The following NIBAN1 variants were observed in gnomAD, a reference collection of about 807,000 sequenced individuals.
NIBAN1 encodes niban apoptosis regulator 1, also known as protein Niban 1.
In NIBAN1, 81 loss-of-function variants were observed where a neutral mutation model predicts 75.1. The observed-to-expected ratio is 1.08, with a 90% CI of 0.90 to 1.30. The LOEUF (loss-of-function observed/expected upper bound fraction) is 1.30. Ranked by LOEUF, NIBAN1 falls within the 50% of genes most tolerant of loss-of-function variation. NIBAN1 has a pLI of 0.00. For synonymous variants in NIBAN1, 436 were observed against 424.8 expected (o/e 1.03, Z -0.32); for missense variants, 1,133 against 1,128.1 (o/e 1.00, Z -0.06).
chr1:184,881,770 G>A (rs566333440), intron 5 of NIBAN1, among the ~76,000 whole-genome samples: 1 of 152,252 alleles, frequency 6.6e-6, no homozygotes, highest in East Asian at 1.9e-4. Flanking sequence ...AAACTGTCAT[G>A]GCACTGGTGG....
rs775725872 is a variant in NIBAN1 at position 184,833,699 on chromosome 1, C to CT, written c.602-1738dup. 5.9e-5 allele frequency among the ~76,000 whole-genome samples: 9 copies of CT among 151,472 alleles called. No homozygotes were observed. The South Asian group carries it at 8.3e-4, about 14-fold the overall frequency. ...CCAGGGCAATAGAGTGAGACCCTGT[C>CT]TCAAAAAAATAAATAGATAAATAAA... On this transcript the variant is annotated intron_variant, in intron 5 of 13. Coordinates refer to ENST00000367511, the MANE Select transcript of NIBAN1 (RefSeq NM_052966.4).
In NIBAN1 at chr1:184,795,358, C is replaced by T. The variant is rs763760563; in HGVS notation, c.2406G>A (p.Gly802=). The T allele has an allele frequency of 3.1e-6, 5 of 1,609,082 alleles. No homozygotes were observed. The highest frequency in any genetic ancestry group is 4.2e-6 in the Non-Finnish European group (5 of 1,177,738). ...TGGGCCCCAGGGGCTCCTCGGTGAG[C>T]CCTCCACTGGCTGGCGGAGAGGCTG... ...GSPASPPASG[G]LTEEPLGPME... Residue 802 remains glycine (G), a synonymous_variant, in exon 14 of 14, where the codon GGG becomes GGA. Coordinates refer to ENST00000367511, the MANE Select transcript of NIBAN1 (RefSeq NM_052966.4).
intron 9 of NIBAN1, among the ~76,000 whole-genome samples, chr1:184,811,502 T>TTTTTTTTTTTTTG (rs1553215631): frequency 1.6e-5 from 2 of 126,486 alleles, no homozygotes; most frequent in African/African-American, 6.1e-5. Flanking sequence ...ACTTTCTTCC[T>TTTTTTTTTTTTTG]TTTTTTTTTT....
chr1:184,862,669 C>A (rs942606088), intron 5 of NIBAN1, among the ~76,000 whole-genome samples: 1 of 152,114 alleles, frequency 6.6e-6, no homozygotes, highest in African/African-American at 2.4e-5. Flanking sequence ...GATTTTATTT[C>A]TTGGTATTTC....
intron 1 of NIBAN1, among the ~76,000 whole-genome samples, chr1:184,916,746 A>G (rs1320633074): frequency 1.3e-5 from 2 of 152,182 alleles, no homozygotes; most frequent in Admixed American, 6.5e-5. Context: ...TGAATTGATA[A>G]ACTAGATATG....
At chr1:184,859,476 G>A (rs760125257) in intron 5 of NIBAN1, among the ~76,000 whole-genome samples, 2 of 152,036 alleles carry the variant, frequency 1.3e-5, no homozygotes, top group Non-Finnish European at 2.9e-5. Context: ...TCCAGCTCTG[G>A]CATCATTATT....
intron 5 of NIBAN1, among the ~76,000 whole-genome samples, chr1:184,862,833 T>TA (rs1655851212): frequency 1.0e-5 from 1 of 99,382 alleles, no homozygotes; most frequent in African/African-American, 5.2e-5. Flanking sequence ...GTTTTTCTTT[T>TA]CTTTTTTTTT....
chr1:184,954,140 G>T (rs750100171), intron 1 of NIBAN1, among the ~76,000 whole-genome samples: 1 of 152,136 alleles, frequency 6.6e-6, no homozygotes, highest in East Asian at 1.9e-4. Flanking sequence ...TATGGAAATC[G>T]GTGAGTTAGA....
chr1:184,889,030 C>T (rs1656601506), intron 4 of NIBAN1, among the ~76,000 whole-genome samples: 2 of 152,176 alleles, frequency 1.3e-5, no homozygotes, highest in Admixed American at 1.3e-4. Flanking sequence ...TCCATAAATT[C>T]TAATGAAATT....
chr1:184,854,218 T>C (rs1011923695), intron 5 of NIBAN1, among the ~76,000 whole-genome samples: 1 of 152,164 alleles, frequency 6.6e-6, no homozygotes, highest in Non-Finnish European at 1.5e-5. Flanking sequence ...CTCTAGATGC[T>C]TGTGGTTTAA....
At chr1:184,890,362 A>G in intron 3 of NIBAN1, 140 bp from the exon 4 acceptor site, 1 of 631,658 alleles carries the variant, frequency 1.6e-6, no homozygotes, top group Non-Finnish European at 2.8e-6. Flanking sequence ...ATAGTCATTT[A>G]CTCAAAAAAT....
chr1:184,918,849 G>A (rs1249830934), intron 1 of NIBAN1, among the ~76,000 whole-genome samples: 1 of 152,180 alleles, frequency 6.6e-6, no homozygotes, highest in East Asian at 1.9e-4. Flanking sequence ...AGAGTGGTCA[G>A]TAGCAGGCAC....
intron 1 of NIBAN1, among the ~76,000 whole-genome samples, chr1:184,959,868 G>T (rs959784132): frequency 1.3e-5 from 2 of 152,142 alleles, no homozygotes; most frequent in African/African-American, 2.4e-5. Flanking sequence ...GAATTCTTTG[G>T]CCCTATAAAT....
Position 184,825,206 on chromosome 1 carries a change from T to C in NIBAN1, c.718-1464A>G, listed in dbSNP as rs187095505. Among the ~76,000 whole-genome samples, 7 of 152,342 alleles carry C rather than the reference T, an allele frequency of 4.6e-5. No individual in the cohort carries two copies. The East Asian group carries it at 1.2e-3, about 25-fold the overall frequency. ...AAAGTCAAGATTGGCTCATGAAAAG[T>C]TGTTAAACAACATGCTACATGTGAA... On this transcript the variant is annotated intron_variant, in intron 6 of 13. Transcript: ENST00000367511.
chr1:184,957,861 C>T (rs1009369938), intron 1 of NIBAN1, among the ~76,000 whole-genome samples: 10 of 152,052 alleles, frequency 6.6e-5, no homozygotes, highest in Admixed American at 1.3e-4. Context: ...TTATTGTATG[C>T]CTTACTTCCC....
chr1:184,825,251 T>G (rs1189474984), intron 6 of NIBAN1, among the ~76,000 whole-genome samples: 1 of 152,204 alleles, frequency 6.6e-6, no homozygotes, highest in African/African-American at 2.4e-5. Context: ...CTCACTGCAA[T>G]CGAGAGTCTA....
intron 5 of NIBAN1, among the ~76,000 whole-genome samples, chr1:184,843,269 C>T (rs1655343173): frequency 6.6e-6 from 1 of 152,160 alleles, no homozygotes; most frequent in Admixed American, 6.5e-5. Flanking sequence ...CTCATTTTCT[C>T]TTTTCTGGCA....
At chr1:184,803,308 G>A (rs959963480) in intron 12 of NIBAN1, among the ~76,000 whole-genome samples, 2 of 152,180 alleles carry the variant, frequency 1.3e-5, no homozygotes, top group South Asian at 4.1e-4. Context: ...GTCTAGTCCA[G>A]GGGTCAGCAT....
chr1:184,909,730 G>A (rs1402275671), intron 1 of NIBAN1, among the ~76,000 whole-genome samples: 1 of 152,098 alleles, frequency 6.6e-6, no homozygotes, highest in Non-Finnish European at 1.5e-5. Flanking sequence ...ACATGATTTG[G>A]TCAAGCACTA....
Sources: gnomAD v4.1 joint callset for allele counts (sites outside exome capture counted in the v4.1 genomes callset) on GRCh38, gnomAD v4.1.1 for gene constraint, MANE v1.5 for transcripts, NCBI Gene and HGNC (gene_info 2026-07-23, HGNC 2026-07-21) for gene names.